Variants in RYR3 observed in about 807,000 individuals in gnomAD.
RYR3 encodes ryanodine receptor 3.
In RYR3, 207 loss-of-function variants were observed where a neutral mutation model predicts 584.3. The observed-to-expected ratio is 0.35, with a 90% CI of 0.32 to 0.40. RYR3 has a LOEUF of 0.40. Ranked by LOEUF, RYR3 falls within the 10% of genes least tolerant of loss-of-function variation. RYR3 has a pLI of 1.00. For missense variants in RYR3, 5,616 were observed against 6,089.2 expected, an observed-to-expected ratio of 0.92 and a Z score of 2.59; for synonymous variants, 2,416 against 2,248.5, an observed-to-expected ratio of 1.07 and a Z score of -2.11.
chr15:33,360,117 C>G (rs1174875585), intron 1 of RYR3, among the ~76,000 whole-genome samples: 2 of 152,116 alleles, frequency 1.3e-5, no homozygotes, highest in African/African-American at 4.8e-5. Flanking sequence ...TAGTACTTGA[C>G]TCGTGGCGGT....
chr15:33,495,509 A>G (rs952847576), intron 2 of RYR3, among the ~76,000 whole-genome samples: 1 of 152,226 alleles, frequency 6.6e-6, no homozygotes, highest in Admixed American at 6.5e-5. Context: ...GTATTTATAA[A>G]GCATCTTAGT....
intron 18 of RYR3, among the ~76,000 whole-genome samples, chr15:33,606,486 G>A (rs1432305023): frequency 6.6e-6 from 1 of 152,216 alleles, no homozygotes; most frequent in Non-Finnish European, 1.5e-5. Flanking sequence ...CTGGAAGTAT[G>A]AATGAGCTTT....
At chr15:33,394,368 G>T (rs1277893140) in intron 1 of RYR3, among the ~76,000 whole-genome samples, 1 of 152,186 alleles carries the variant, frequency 6.6e-6, no homozygotes, top group Non-Finnish European at 1.5e-5. Flanking sequence ...GGGAGAAGCA[G>T]AAAAATCGGA....
chr15:33,854,836 C>G lies in RYR3; in HGVS notation c.13931C>G (p.Ala4644Gly). The change falls in exon 98 of 104, where the codon GCT becomes GGT. Residue 4644 changes from alanine to glycine, a missense_variant. By Grantham distance (60) the Ala-to-Gly change is moderately conservative. This residue lies in a region of RYR3 where 918 missense variants were observed against 887.4 expected (regional missense o/e 1.03). Transcript: ENST00000634891. The stretch of plus-strand genomic sequence containing the variant: ...CACTACAATAACTTCTTCTTTGCTG[C>G]TCACCTATTGGACATCGCAATGGGC... ...LGHYNNFFFA[A>G]HLLDIAMGFK... 6.2e-7 allele frequency: 1 copy of G among 1,613,902 alleles called. No homozygotes were observed. The highest frequency in any genetic ancestry group is 8.5e-7 in the Non-Finnish European group (1 of 1,179,844).
In RYR3 at chr15:33,769,146, C is replaced by T; in HGVS notation, c.8790C>T (p.His2930=). 6.2e-7 allele frequency: 1 copy of T among 1,613,482 alleles called. No individual in the cohort carries two copies. Among genetic ancestry groups the T allele is most frequent in the South Asian group, 1.1e-5 (1 of 91,082 alleles). ...SDSTTMVSCL[H]ILAQTLDTRT... is the part of the protein sequence containing the mutation. Reference sequence around the variant, plus strand: ...CTACTACAATGGTGAGCTGTCTTCACATCTTAGCTCAGACACTTGACACAA... The same window carrying T: ...CTACTACAATGGTGAGCTGTCTTCATATCTTAGCTCAGACACTTGACACAA... Residue 2930 remains histidine (H), a synonymous_variant, in exon 62 of 104, where the codon CAC becomes CAT. Coordinates refer to ENST00000634891, the MANE Select transcript of RYR3 (RefSeq NM_001036.6).
At chr15:33,821,097 A>G (rs1313413487) in intron 78 of RYR3, among the ~76,000 whole-genome samples, 173 bp from the exon 79 acceptor site, 1 of 152,022 alleles carries the variant, frequency 6.6e-6, no homozygotes, top group Admixed American at 6.6e-5. Context: ...ATGGGTAGAC[A>G]GTTTTAGAAA....
intron 3 of RYR3, among the ~76,000 whole-genome samples, chr15:33,520,328 T>G (rs1216884385): frequency 6.6e-6 from 1 of 152,210 alleles, no homozygotes; most frequent in Non-Finnish European, 1.5e-5. Context: ...TCGGACTTTT[T>G]GAATGTTAGA....
At position 33,810,968 on chromosome 15, in the gene RYR3, C is replaced by G. The variant is rs948383688; in HGVS notation, c.10198-10C>G. On this transcript the variant is annotated splice_polypyrimidine_tract_variant and intron_variant, in intron 71 of 103. Transcript: ENST00000634891. ...TCTCCGGGAATAAAATCTGACATCT[C>G]TTTCCACAGAGGGACACAGATGAAG... 1.9e-6 allele frequency: 3 copies of G among 1,602,448 alleles called. No homozygotes were observed. The highest frequency in any genetic ancestry group is 1.1e-5 in the South Asian group (1 of 88,220).
intron 64 of RYR3, among the ~76,000 whole-genome samples, chr15:33,775,763 C>T (rs1463166827): frequency 2.6e-5 from 4 of 152,194 alleles, no homozygotes; most frequent in East Asian, 3.8e-4. Context: ...TGTAATGGAA[C>T]GTGGCCCCAC....
chr15:33,314,838 C>T (rs1349526285), intron 1 of RYR3, among the ~76,000 whole-genome samples: 2 of 151,806 alleles, frequency 1.3e-5, no homozygotes, highest in East Asian at 1.9e-4. Flanking sequence ...GGCGTGAGCC[C>T]GGGAGGCGGA....
intron 16 of RYR3, among the ~76,000 whole-genome samples, chr15:33,593,580 T>G (rs1331151839): frequency 1.3e-5 from 2 of 152,226 alleles, no homozygotes; most frequent in Non-Finnish European, 2.9e-5. Flanking sequence ...CTTCTGAAGT[T>G]TATTTAAGTT....
In RYR3 at chr15:33,865,843, C is replaced by CATTAGTTGTGATCTTCCGTCTTACT; in HGVS notation, c.*618_*642dup. ...TGTGTTCCAGAAGGACAGTTCCATT[C>CATTAGTTGTGATCTTCCGTCTTACT]ATTAGTTGTGATCTTCCGTCTTACT... On this transcript the variant is annotated 3_prime_UTR_variant, in exon 104 of 104. Coordinates refer to ENST00000634891, the MANE Select transcript of RYR3 (RefSeq NM_001036.6). 6.5e-6 allele frequency: 1 copy of CATTAGTTGTGATCTTCCGTCTTACT among 152,762 alleles called. No individual in the cohort carries two copies. Among genetic ancestry groups the CATTAGTTGTGATCTTCCGTCTTACT allele is most frequent in the Non-Finnish European group, 1.5e-5 (1 of 68,162 alleles). The allele number at this position is 152,762 out of a possible 1,614,324, so 9.5% of individuals were successfully genotyped here. A position where few individuals can be genotyped will look rare whatever the true frequency, so the allele number is the denominator to read the frequency against.
chr15:33,414,243 G>A (rs910104738), intron 1 of RYR3, among the ~76,000 whole-genome samples: 1 of 152,098 alleles, frequency 6.6e-6, no homozygotes, highest in Non-Finnish European at 1.5e-5. Flanking sequence ...TTAAAAAGAG[G>A]CAAACAACTA....
chr15:33,626,521 A>T (rs2060996502), intron 20 of RYR3, among the ~76,000 whole-genome samples: 1 of 152,214 alleles, frequency 6.6e-6, no homozygotes, highest in African/African-American at 2.4e-5. Flanking sequence ...CCACTGCAGA[A>T]ATTTGCATAT....
At chr15:33,862,923 A>C (rs1888934618) in intron 102 of RYR3, among the ~76,000 whole-genome samples, 1 of 152,208 alleles carries the variant, frequency 6.6e-6, no homozygotes, top group African/African-American at 2.4e-5. Context: ...GGCCTCAAAA[A>C]CTTGAGTTTT....
At chr15:33,492,080 A>T (rs1049505053) in intron 2 of RYR3, among the ~76,000 whole-genome samples, 1 of 152,224 alleles carries the variant, frequency 6.6e-6, no homozygotes, top group Non-Finnish European at 1.5e-5. Context: ...TCAAAAACTG[A>T]TAAGTGAACA....
chr15:33,679,593 A>G (rs982424457), intron 38 of RYR3, among the ~76,000 whole-genome samples: 2 of 152,324 alleles, frequency 1.3e-5, no homozygotes, highest in Admixed American at 6.5e-5. Context: ...ATATTAAGCC[A>G]CAAGTGACTT....
At chr15:33,323,397 C>T (rs1003860969) in intron 1 of RYR3, among the ~76,000 whole-genome samples, 11 of 152,056 alleles carry the variant, frequency 7.2e-5, no homozygotes, top group African/African-American at 1.7e-4. Context: ...CGTGAGCCAC[C>T]GCGCCCGGCC....
chr15:33,846,319 G>A (rs903338931), intron 93 of RYR3, among the ~76,000 whole-genome samples: 6 of 152,214 alleles, frequency 3.9e-5, no homozygotes, highest in African/African-American at 1.4e-4. Context: ...CAGATGCACT[G>A]CTGCATGGTA....
Sources: gnomAD v4.1 joint callset for allele counts (sites outside exome capture counted in the v4.1 genomes callset) on GRCh38, gnomAD v4.1.1 for gene constraint, gnomAD v4.1.1 regional missense constraint, MANE v1.5 for transcripts, NCBI Gene and HGNC (gene_info 2026-07-23, HGNC 2026-07-21) for gene names.